IGSF10: variants seen among roughly 807,000 people sequenced by gnomAD.
IGSF10 encodes immunoglobulin superfamily member 10.
Under a neutral mutation model 128.2 loss-of-function variants are expected in IGSF10, and 126 were observed. The observed-to-expected ratio is 0.98, with a 90% CI of 0.85 to 1.14. IGSF10 has a LOEUF of 1.14. Among genes scored for constraint, IGSF10 ranks in the 50% most tolerant of loss-of-function variants. IGSF10 has a pLI of 0.00. For missense variants in IGSF10, 3,295 were observed against 3,149.8 expected (o/e 1.05, Z -1.10); for synonymous variants, 1,185 against 1,146.2 (o/e 1.03, Z -0.68).
the IGSF10 span, among the ~76,000 whole-genome samples, chr3:151,544,397 C>T: frequency 6.6e-6 from 1 of 152,148 alleles, no homozygotes; most frequent in Non-Finnish European, 1.5e-5. Context: ...GTTTTCTCTA[C>T]CTCACATCTT....
chr3:151,568,071 G>A, the IGSF10 span, among the ~76,000 whole-genome samples: 1 of 152,100 alleles, frequency 6.6e-6, no homozygotes, highest in East Asian at 1.9e-4. Flanking sequence ...TAGTTTATTT[G>A]TCAGAAGAGT....
the IGSF10 span, among the ~76,000 whole-genome samples, chr3:151,527,489 C>T: frequency 6.6e-6 from 1 of 152,056 alleles, no homozygotes; most frequent in Non-Finnish European, 1.5e-5. Flanking sequence ...TTTTGACTTA[C>T]ATAACTTTTG....
At chr3:151,572,540 T>C in the IGSF10 span, among the ~76,000 whole-genome samples, 1 of 152,236 alleles carries the variant, frequency 6.6e-6, no homozygotes, top group Non-Finnish European at 1.5e-5. Context: ...GATGATAGTT[T>C]GTATTTCTGT....
At chr3:151,584,611 C>A in the IGSF10 span, among the ~76,000 whole-genome samples, 1 of 152,068 alleles carries the variant, frequency 6.6e-6, no homozygotes, top group Non-Finnish European at 1.5e-5. Context: ...AAGAAGAAAG[C>A]GAAGGAAGCA....
chr3:151,482,173 A>T, the IGSF10 span, among the ~76,000 whole-genome samples: 2 of 152,252 alleles, frequency 1.3e-5, no homozygotes, highest in Non-Finnish European at 2.9e-5. Context: ...GAACACAATG[A>T]TTCTTCAGTA....
At chr3:151,466,194 G>A in the IGSF10 span, among the ~76,000 whole-genome samples, 31 of 152,064 alleles carry the variant, frequency 2.0e-4, no homozygotes, top group Non-Finnish European at 4.0e-4. Flanking sequence ...CATCAGAAGT[G>A]GGATTCAAAG....
At chr3:151,459,153 C>A (rs1721940092) in intron 2 of IGSF10, among the ~76,000 whole-genome samples, 1 of 152,060 alleles carries the variant, frequency 6.6e-6, no homozygotes, top group Admixed American at 6.6e-5. Flanking sequence ...TGTAATTAAG[C>A]AGTAAAAAGG....
intron 7 of IGSF10, among the ~76,000 whole-genome samples, chr3:151,439,934 G>A (rs898215100): frequency 2.6e-5 from 4 of 152,172 alleles, no homozygotes; most frequent in African/African-American, 9.7e-5. Context: ...GGGCTAAGCA[G>A]GTAGATAAAA....
the IGSF10 span, among the ~76,000 whole-genome samples, chr3:151,536,917 T>C: frequency 6.6e-6 from 1 of 152,206 alleles, no homozygotes; most frequent in African/African-American, 2.4e-5. Context: ...GCAAATTACC[T>C]TGGCTGATGG....
At chr3:151,521,181 C>A in the IGSF10 span, among the ~76,000 whole-genome samples, 2 of 151,700 alleles carry the variant, frequency 1.3e-5, no homozygotes, top group South Asian at 4.1e-4. Flanking sequence ...ACCTAACTAT[C>A]CTGTTTTATA....
At chr3:151,613,164 T>C in the IGSF10 span, among the ~76,000 whole-genome samples, 45 of 152,196 alleles carry the variant, frequency 3.0e-4, no homozygotes, top group Non-Finnish European at 3.5e-4. Context: ...AGGAGAACTA[T>C]AAACCACTGC....
the IGSF10 span, among the ~76,000 whole-genome samples, chr3:151,585,665 G>C: frequency 4.6e-5 from 7 of 151,964 alleles, no homozygotes; most frequent in African/African-American, 1.4e-4. Flanking sequence ...TGTAACTACT[G>C]TTGATGAATT....
rs573667639 is a variant in IGSF10 at position 151,446,433 on chromosome 3, C to T, written c.3548G>A (p.Gly1183Asp). The change falls in exon 6 of 8, where the codon GGT (glycine) becomes GAT (aspartate). Residue 1183 changes from glycine to aspartate, a missense_variant. By Grantham distance (94) the Gly-to-Asp change is moderately conservative. Transcript: ENST00000282466. ...AGTCATTGGTGGCTTGGTGATAGCA[C>T]CTGAAAGTGACGATGTAATCACTGA... The part of the protein sequence containing the change: ...RDSVITSSLS[G>D]AITKPPMTII... 1.9e-6 allele frequency: 3 copies of T among 1,614,032 alleles called. No homozygotes were observed. Among genetic ancestry groups the T allele is most frequent in the South Asian group, 2.2e-5 (2 of 91,064 alleles).
chr3:151,537,436 T>C, the IGSF10 span, among the ~76,000 whole-genome samples: 1 of 152,208 alleles, frequency 6.6e-6, no homozygotes, highest in African/African-American at 2.4e-5. Flanking sequence ...CTATAGCCTG[T>C]CACTAGGCAA....
chr3:151,605,764 C>T, the IGSF10 span, among the ~76,000 whole-genome samples: 3 of 152,192 alleles, frequency 2.0e-5, no homozygotes, highest in Non-Finnish European at 4.4e-5. Flanking sequence ...TGCTCATTTT[C>T]TTCACCTTGC....
chr3:151,525,001 CCTTTTTTTTTTTTTT>C, the IGSF10 span, among the ~76,000 whole-genome samples: 1 of 106,900 alleles, frequency 9.4e-6, no homozygotes, highest in South Asian at 3.7e-4. Flanking sequence ...ATGCATTACA[CCTTTTTTTTTTTTTT>C]TTTTTTTTTT....
upstream of IGSF10, chr3:151,461,156 C>T (rs573653332): frequency 1.0e-6 from 1 of 985,262 alleles, no homozygotes; most frequent in Non-Finnish European, 1.2e-6. Context: ...ACCACCGGGC[C>T]CCTCTTTATG....
At chr3:151,558,772 G>A in the IGSF10 span, among the ~76,000 whole-genome samples, 32 of 152,256 alleles carry the variant, frequency 2.1e-4, 1 homozygote, top group South Asian at 6.2e-3. Context: ...ACTCAGATTT[G>A]TCATCTCTGG....
At chr3:151,458,851 T>A in intron 2 of IGSF10, 141 bp from the exon 3 acceptor site, 1 of 635,534 alleles carries the variant, frequency 1.6e-6, no homozygotes, top group East Asian at 2.8e-5. Context: ...TGTGGTCATA[T>A]GCACTCTTTA....
Sources: allele counts gnomAD v4.1 joint callset (sites outside exome capture counted in the v4.1 genomes callset), GRCh38; gene constraint gnomAD v4.1.1; transcripts MANE v1.5; gene names NCBI Gene and HGNC (gene_info 2026-07-23, HGNC 2026-07-21).